LPP: variants seen among roughly 807,000 people sequenced by gnomAD.
The protein encoded by LPP is LIM domain containing preferred translocation partner in lipoma.
Under a neutral mutation model 60.4 loss-of-function variants are expected in LPP, and 38 were observed. The ratio of observed to expected loss-of-function variants is 0.63; its 90% CI spans 0.49 to 0.83. The LOEUF (loss-of-function observed/expected upper bound fraction) is 0.83. Among genes scored for constraint, LPP ranks in the 40% least tolerant of loss-of-function variants. The pLI is 0.00. For missense variants in LPP, 902 were observed against 783.6 expected (o/e 1.15, Z -1.80); for synonymous variants, 328 against 290.8 (o/e 1.13, Z -1.30).
chr3:188,569,996 G>T (rs1285588094), intron 6 of LPP, among the ~76,000 whole-genome samples: 1 of 146,130 alleles, frequency 6.8e-6, no homozygotes, highest in Non-Finnish European at 1.5e-5. Context: ...TAGTCAGTTT[G>T]TATGAATGGC....
intron 2 of LPP, among the ~76,000 whole-genome samples, chr3:188,247,650 T>A (rs1371851031): frequency 6.6e-6 from 1 of 151,912 alleles, no homozygotes; most frequent in East Asian, 1.9e-4. Flanking sequence ...AATACAAAAA[T>A]TAGCTGGGCA....
chr3:188,693,899 A>G (rs950041735), intron 7 of LPP, among the ~76,000 whole-genome samples: 4 of 152,314 alleles, frequency 2.6e-5, no homozygotes, highest in African/African-American at 7.2e-5. Flanking sequence ...CGAATATTGA[A>G]TTAGACCTTC....
chr3:188,435,939 C>G (rs1792187653), intron 4 of LPP, among the ~76,000 whole-genome samples: 1 of 152,170 alleles, frequency 6.6e-6, no homozygotes, highest in African/African-American at 2.4e-5. Flanking sequence ...ATTTCCTGAC[C>G]TGTTTCCTTG....
At chr3:188,681,836 T>C (rs570652247) in intron 7 of LPP, among the ~76,000 whole-genome samples, 1 of 152,312 alleles carries the variant, frequency 6.6e-6, no homozygotes, top group South Asian at 2.1e-4. Flanking sequence ...ATGTGTAGTA[T>C]GTATGTTTTT....
intron 7 of LPP, among the ~76,000 whole-genome samples, chr3:188,680,994 CT>C (rs11307025): frequency 0.11 from 14,819 of 129,014 alleles, 606 homozygotes; most frequent in Admixed American, 0.2. Flanking sequence ...GGTGCATTTC[CT>C]TTTTTTTTTT....
chr3:188,306,522 A>G (rs917049892), intron 2 of LPP, among the ~76,000 whole-genome samples: 4 of 152,224 alleles, frequency 2.6e-5, no homozygotes, highest in Admixed American at 6.5e-5. Context: ...TTCTTGAAAC[A>G]CAAAGCCCTT....
At chr3:188,775,400 A>G (rs538563950) in intron 9 of LPP, among the ~76,000 whole-genome samples, 7 of 152,300 alleles carry the variant, frequency 4.6e-5, no homozygotes, top group African/African-American at 1.7e-4. Flanking sequence ...TTGGCTTTAA[A>G]CAATTTTGCT....
At chr3:188,377,078 G>A (rs1222232532) in intron 3 of LPP, among the ~76,000 whole-genome samples, 2 of 152,218 alleles carry the variant, frequency 1.3e-5, no homozygotes, top group African/African-American at 4.8e-5. Context: ...GAGATCTGCT[G>A]TTAGTCTGAT....
intron 4 of LPP, among the ~76,000 whole-genome samples, chr3:188,441,060 A>C (rs930926461): frequency 6.6e-6 from 1 of 151,764 alleles, no homozygotes; most frequent in East Asian, 1.9e-4. Flanking sequence ...GCCTGTATAC[A>C]TCAGATATAT....
intron 8 of LPP, chr3:188,711,267 A>C (rs1866579884): frequency 6.6e-6 from 1 of 152,170 alleles, no homozygotes; most frequent in African/African-American, 2.4e-5. Flanking sequence ...ATATGGCAGC[A>C]CTATATTTTA....
chr3:188,840,028 T>C (rs987638993), intron 9 of LPP, among the ~76,000 whole-genome samples: 1 of 152,134 alleles, frequency 6.6e-6, no homozygotes, highest in Non-Finnish European at 1.5e-5. Context: ...TAATTTGGGG[T>C]AAATGGTATT....
intron 7 of LPP, among the ~76,000 whole-genome samples, chr3:188,652,551 A>C (rs996836217): frequency 2.0e-5 from 3 of 152,002 alleles, no homozygotes; most frequent in Admixed American, 6.6e-5. Flanking sequence ...TGCAAAAAAA[A>C]CCCTTTTCTC....
At chr3:188,605,560 T>A (rs990996314) in intron 6 of LPP, among the ~76,000 whole-genome samples, 25 of 152,146 alleles carry the variant, frequency 1.6e-4, no homozygotes, top group African/African-American at 6.0e-4. Context: ...TACAGATGAA[T>A]TCTGGAGACA....
chr3:188,243,811 A>G (rs938359899), intron 2 of LPP, among the ~76,000 whole-genome samples: 2 of 152,018 alleles, frequency 1.3e-5, no homozygotes, highest in African/African-American at 4.8e-5. Flanking sequence ...CTAACTAGAA[A>G]GTTCACTCTG....
chr3:188,376,652 T>C lies in LPP; in HGVS notation c.-9-29460T>C, dbSNP rs558403239. Among the ~76,000 whole-genome samples the C allele has an allele frequency of 3.3e-5, 5 of 152,332 alleles. No individual in the cohort carries two copies. In the East Asian group the frequency reaches 9.7e-4, roughly 29 times the overall value. ...ACAGCACACTGATGGGTCTTGACTC[T>C]TTATCCAATTTGCCAGTCTGTGTCT... On this transcript the variant is annotated intron_variant, in intron 3 of 11. Transcript: ENST00000617246.
chr3:188,809,231 T>C (rs1414557084), intron 9 of LPP, among the ~76,000 whole-genome samples: 1 of 152,240 alleles, frequency 6.6e-6, no homozygotes, highest in Non-Finnish European at 1.5e-5. Flanking sequence ...ATGGTATTTC[T>C]GGTTCTAGAT....
At chr3:188,223,739 C>T (rs1321388110) in intron 1 of LPP, among the ~76,000 whole-genome samples, 1 of 152,158 alleles carries the variant, frequency 6.6e-6, no homozygotes, top group Non-Finnish European at 1.5e-5. Context: ...TCTCTCTCTG[C>T]AAGGAGAAGC....
chr3:188,587,063 G>GAGCCCAAGAAGA (rs1401268122), intron 6 of LPP, among the ~76,000 whole-genome samples: 2 of 1,052 alleles, frequency 1.9e-3, no homozygotes, highest in African/African-American at 1.2e-3. Context: ...TGGCGCTCTG[G>GAGCCCAAGAAGA]CCGGGCGCGG....
At chr3:188,872,872 C>A in intron 11 of LPP, 109 bp downstream of exon 11, 1 of 1,439,742 alleles carries the variant, frequency 6.9e-7, no homozygotes, top group Non-Finnish European at 9.4e-7. Context: ...GGCCTTAGTG[C>A]CTGTACTCAT....
Sources: allele counts gnomAD v4.1 joint callset (sites outside exome capture counted in the v4.1 genomes callset), GRCh38; gene constraint gnomAD v4.1.1; transcripts MANE v1.5; gene names NCBI Gene and HGNC (gene_info 2026-07-23, HGNC 2026-07-21).